The following PHF21B variants were observed in gnomAD, a reference collection of about 807,000 sequenced individuals.
The protein encoded by PHF21B is PHD finger protein 4.
In PHF21B, 22 loss-of-function variants were observed where a neutral mutation model predicts 62.2. The ratio of observed to expected loss-of-function variants is 0.35; its 90% CI spans 0.25 to 0.51. PHF21B has a LOEUF of 0.51. Ranked by LOEUF, PHF21B falls within the 20% of genes least tolerant of loss-of-function variation. The probability of loss-of-function intolerance (pLI) is 0.97; values close to 1 mark genes in which losing one functional copy is unlikely to be tolerated. For synonymous variants in PHF21B, 341 were observed against 314.7 expected (o/e 1.08, Z -0.88); for missense variants, 701 against 707.9 (o/e 0.99, Z 0.11).
intron 2 of PHF21B, among the ~76,000 whole-genome samples, chr22:44,925,425 C>T (rs2071609876): frequency 6.6e-6 from 1 of 152,198 alleles, no homozygotes; most frequent in South Asian, 2.1e-4. Context: ...AGAGCTGCTT[C>T]TCTCATTATG....
At chr22:44,949,999 TG>T (rs2072161562) in intron 2 of PHF21B, among the ~76,000 whole-genome samples, 2 of 152,228 alleles carry the variant, frequency 1.3e-5, no homozygotes, top group African/African-American at 2.4e-5. Flanking sequence ...ACACAGCGTG[TG>T]GACTCACATT....
chr22:44,964,283 C>A (rs1464102704), intron 2 of PHF21B, among the ~76,000 whole-genome samples: 1 of 152,250 alleles, frequency 6.6e-6, no homozygotes, highest in African/African-American at 2.4e-5. Context: ...CACAGACCCA[C>A]CCAGAGACAC....
intron 5 of PHF21B, among the ~76,000 whole-genome samples, chr22:44,901,209 A>C (rs149852673): frequency 6.6e-6 from 1 of 152,186 alleles, no homozygotes; most frequent in Admixed American, 6.5e-5. Flanking sequence ...CCTGTGTCTA[A>C]CTAACTGGAC....
At chr22:45,008,334 C>T (rs1434800575) in intron 2 of PHF21B, 5 of 424,608 alleles carry the variant, frequency 1.2e-5, no homozygotes, top group African/African-American at 2.1e-5. Context: ...CTCTCTTCGG[C>T]CCCCGCAGGG....
intron 2 of PHF21B, among the ~76,000 whole-genome samples, chr22:44,999,171 C>T (rs1426950501): frequency 6.6e-6 from 1 of 152,190 alleles, no homozygotes; most frequent in Non-Finnish European, 1.5e-5. Flanking sequence ...ACTGGGACTG[C>T]TACTACCGAA....
intron 2 of PHF21B, among the ~76,000 whole-genome samples, chr22:44,954,160 A>C (rs2072248134): frequency 6.6e-6 from 1 of 152,190 alleles, no homozygotes; most frequent in Admixed American, 6.5e-5. Context: ...TTTTCTTATT[A>C]ATGCATTGTA....
intron 2 of PHF21B, among the ~76,000 whole-genome samples, chr22:44,946,759 G>A (rs2072082589): frequency 6.6e-6 from 1 of 152,138 alleles, no homozygotes; most frequent in Non-Finnish European, 1.5e-5. Context: ...ATTCCAGGTT[G>A]CAGGGGCTGC....
intron 2 of PHF21B, among the ~76,000 whole-genome samples, chr22:44,950,208 T>C (rs1297558213): frequency 3.3e-5 from 5 of 152,248 alleles, no homozygotes; most frequent in South Asian, 2.1e-4. Flanking sequence ...CTCCTGAACA[T>C]ATATGCACAA....
intron 12 of PHF21B, among the ~76,000 whole-genome samples, chr22:44,884,683 C>T (rs5766154): frequency 2.6e-4 from 37 of 143,826 alleles, no homozygotes; most frequent in South Asian, 9.0e-4. Context: ...ACCATCATCA[C>T]CATCATCATT....
At chr22:44,942,024 C>T (rs1381461773) in intron 2 of PHF21B, among the ~76,000 whole-genome samples, 1 of 152,206 alleles carries the variant, frequency 6.6e-6, no homozygotes, top group Non-Finnish European at 1.5e-5. Context: ...CACGACATGG[C>T]CCGAGGCCCA....
chr22:44,897,287 C>G (rs1007979579), intron 5 of PHF21B, among the ~76,000 whole-genome samples: 1 of 152,042 alleles, frequency 6.6e-6, no homozygotes, highest in South Asian at 2.1e-4. Flanking sequence ...TCTAGAATGG[C>G]CCCCGAGCCC....
rs1320111437 is a variant in PHF21B, at chr22:44,967,220, T to G, written c.120+41325A>C. The G allele has an allele frequency of 4.2e-5, 6 of 142,324 alleles. No individual in the cohort carries two copies. The South Asian group carries it at 9.2e-4, about 22-fold the overall frequency. 8.8% of individuals were successfully genotyped at this position (142,324 alleles called of 1,614,324 possible). On this transcript the variant is annotated intron_variant, in intron 2 of 12. Coordinates refer to ENST00000313237, the MANE Select transcript of PHF21B (RefSeq NM_138415.5). ...CCACGACAGAAGAGGCCTTTTACTT[T>G]TTTTTTTTTTTTTTTTTTGAGATGG...
intron 2 of PHF21B, chr22:44,969,143 G>A (rs571711201): frequency 6.6e-6 from 1 of 152,218 alleles, no homozygotes; most frequent in African/African-American, 2.4e-5. Flanking sequence ...CAGGACAAAG[G>A]GCCTCCGTGT....
Position 45,009,696 on chromosome 22 carries a change from A to C in PHF21B, c.-147T>G. On this transcript the variant is annotated 5_prime_UTR_variant, in exon 1 of 13. Transcript: ENST00000313237. The surrounding 1 kb of genome is among the most constrained non-coding windows in gnomAD (Gnocchi z 5.9). ...ACGAGCCCCCTCCCCCACGGCCGAA[A>C]GGGAAGGGGGCTGGCGAAGGGGAAG... 1.4e-6 allele frequency: 1 copy of C among 691,750 alleles called. No individual in the cohort carries two copies. Among genetic ancestry groups the C allele is most frequent in the Non-Finnish European group, 2.2e-6 (1 of 458,510 alleles). The allele number at this position is 691,750 out of a possible 1,614,324, so 42.9% of individuals were successfully genotyped here.
chr22:44,887,815 T>TA, intron 10 of PHF21B, 148 bp downstream of exon 10: 2 of 813,702 alleles, frequency 2.5e-6, no homozygotes, highest in Non-Finnish European at 3.4e-6. Context: ...AACCAAGGAT[T>TA]ATCCAGCCCC....
At chr22:44,894,846 C>T (rs2071029364) in intron 6 of PHF21B, among the ~76,000 whole-genome samples, 1 of 152,174 alleles carries the variant, frequency 6.6e-6, no homozygotes, top group Non-Finnish European at 1.5e-5. Context: ...TCCCCGCGCG[C>T]TGGGCTCTGC....
At chr22:44,987,128 T>C (rs1167591336) in intron 2 of PHF21B, among the ~76,000 whole-genome samples, 1 of 152,176 alleles carries the variant, frequency 6.6e-6, no homozygotes. Context: ...ACAAACAACT[T>C]TGGTCACGGT....
At chr22:44,972,301 T>C (rs540392414) in intron 2 of PHF21B, among the ~76,000 whole-genome samples, 1 of 152,388 alleles carries the variant, frequency 6.6e-6, no homozygotes, top group South Asian at 2.1e-4. Flanking sequence ...GTTTCTTTTT[T>C]CTTTTGACTT....
intron 5 of PHF21B, among the ~76,000 whole-genome samples, chr22:44,897,003 C>T (rs1196550521): frequency 2.0e-5 from 3 of 150,906 alleles, no homozygotes; most frequent in Non-Finnish European, 4.4e-5. Flanking sequence ...CTCAGCCTCC[C>T]GAGGAGCTGG....
Sources: gnomAD v4.1 joint callset for allele counts (sites outside exome capture counted in the v4.1 genomes callset) on GRCh38, gnomAD v4.1.1 for gene constraint, Gnocchi (gnomAD v3.1) non-coding constraint, MANE v1.5 for transcripts, NCBI Gene and HGNC (gene_info 2026-07-23, HGNC 2026-07-21) for gene names.